Variants in DPYD observed in about 807,000 individuals in gnomAD.
DPYD encodes the protein dihydropyrimidine dehydrogenase [NADP(+)].
A neutral mutation model predicts 116.2 loss-of-function variants in DPYD; 109 were observed. That is an observed-to-expected ratio of 0.94 (90% CI 0.80 to 1.10). The LOEUF (loss-of-function observed/expected upper bound fraction) is 1.10. Among genes scored for constraint, DPYD ranks in the 50% least tolerant of loss-of-function variants. The probability of loss-of-function intolerance (pLI) is 0.00; values close to 1 mark genes in which losing one functional copy is unlikely to be tolerated. For missense variants in DPYD, 1,302 were observed against 1,254.5 expected, an observed-to-expected ratio of 1.04 and a Z score of -0.57; for synonymous variants, 440 against 432.0, an observed-to-expected ratio of 1.02 and a Z score of -0.23.
At chr1:97,827,499 A>G (rs564412826) in intron 3 of DPYD, among the ~76,000 whole-genome samples, 10 of 152,064 alleles carry the variant, frequency 6.6e-5, no homozygotes, top group Non-Finnish European at 1.5e-4. Context: ...AAAATGCTTC[A>G]CTAAAAGTTA....
intron 18 of DPYD, chr1:97,295,749 T>A: frequency 1.0e-6 from 1 of 984,120 alleles, no homozygotes; most frequent in Non-Finnish European, 1.2e-6. Context: ...TTCTTAAAAT[T>A]GCCAGTGCTA....
chr1:97,708,439 G>C (rs1662106358), intron 5 of DPYD, among the ~76,000 whole-genome samples: 1 of 151,946 alleles, frequency 6.6e-6, no homozygotes, highest in Non-Finnish European at 1.5e-5. Context: ...TTGCTCTTTT[G>C]TCAAAGATAA....
At chr1:97,603,380 A>T (rs1655386479) in intron 8 of DPYD, among the ~76,000 whole-genome samples, 1 of 152,140 alleles carries the variant, frequency 6.6e-6, no homozygotes, top group South Asian at 2.1e-4. Context: ...TAATCTCAAC[A>T]GCAGGAAATA....
intron 12 of DPYD, among the ~76,000 whole-genome samples, chr1:97,527,213 G>A (rs1014806660): frequency 1.3e-5 from 2 of 151,902 alleles, no homozygotes; most frequent in Non-Finnish European, 2.9e-5. Context: ...CGAGTAGCTG[G>A]GACCACAGGC....
chr1:97,257,452 T>TATATATATAGAGAGAGAGAGAGAG (rs375490078), intron 18 of DPYD, among the ~76,000 whole-genome samples: 17 of 126,468 alleles, frequency 1.3e-4, no homozygotes, highest in South Asian at 5.4e-4. Flanking sequence ...TATATATATA[T>TATATATATAGAGAGAGAGAGAGAG]AGAGAGAGAG....
At chr1:97,217,365 T>C (rs553880532) in intron 19 of DPYD, among the ~76,000 whole-genome samples, 1 of 152,354 alleles carries the variant, frequency 6.6e-6, no homozygotes, top group Admixed American at 6.5e-5. Flanking sequence ...AACTGTGGTC[T>C]AGAAATCACC....
In DPYD at chr1:97,266,932, A is replaced by G. The variant is rs539003907; in HGVS notation, c.2300-31938T>C. ...ATTTTCTTAATCCAGTCTATCATTG[A>G]TAGACATTTGGGTTGGTTCCAAGTC... On this transcript the variant is annotated intron_variant, in intron 18 of 22. Coordinates refer to ENST00000370192, the MANE Select transcript of DPYD (RefSeq NM_000110.4). 2.6e-5 allele frequency among the ~76,000 whole-genome samples: 4 copies of G among 152,274 alleles called. No homozygotes were observed. In the South Asian group the frequency reaches 8.3e-4, roughly 32 times the overall value.
intron 4 of DPYD, among the ~76,000 whole-genome samples, chr1:97,728,729 T>G (rs1663408292): frequency 6.6e-6 from 1 of 152,052 alleles, no homozygotes; most frequent in African/African-American, 2.4e-5. Flanking sequence ...TATTTCTGGC[T>G]CAAGCTGTAA....
At chr1:97,285,469 A>G (rs564676177) in intron 18 of DPYD, among the ~76,000 whole-genome samples, 32 of 152,326 alleles carry the variant, frequency 2.1e-4, no homozygotes, top group African/African-American at 7.7e-4. Flanking sequence ...TTATTACAGT[A>G]TCCTTATAAT....
At chr1:97,410,556 T>C (rs1290343261) in intron 14 of DPYD, among the ~76,000 whole-genome samples, 3 of 152,136 alleles carry the variant, frequency 2.0e-5, no homozygotes, top group Non-Finnish European at 4.4e-5. Context: ...AATACTTTGG[T>C]TTTAAACATC....
At chr1:97,352,553 C>A (rs1670200746) in intron 16 of DPYD, among the ~76,000 whole-genome samples, 1 of 145,536 alleles carries the variant, frequency 6.9e-6, no homozygotes, top group South Asian at 2.1e-4. Context: ...TATTGAACAA[C>A]CTGAAATAGT....
Position 97,483,248 on chromosome 1 carries a change from A to G in DPYD, c.1740+32478T>C, listed in dbSNP as rs1032627185. 2.0e-5 allele frequency among the ~76,000 whole-genome samples: 3 copies of G among 152,168 alleles called. No individual in the cohort carries two copies. In the South Asian group the frequency reaches 6.2e-4, roughly 32 times the overall value. ...CTCAAATTTCCTTTGCAGTCCTATC[A>G]GAATTTCTTTTTGGTGCAGTCCAGT... is the stretch of plus-strand genomic sequence containing the variant. On this transcript the variant is annotated intron_variant, in intron 13 of 22. Coordinates refer to ENST00000370192, the MANE Select transcript of DPYD (RefSeq NM_000110.4).
chr1:97,900,706 G>C (rs1485709378), intron 1 of DPYD, among the ~76,000 whole-genome samples: 2 of 151,684 alleles, frequency 1.3e-5, no homozygotes, highest in African/African-American at 4.8e-5. Flanking sequence ...TTACAATATA[G>C]CATAATGATG....
At chr1:97,818,965 A>G (rs1463530674) in intron 3 of DPYD, among the ~76,000 whole-genome samples, 3 of 151,928 alleles carry the variant, frequency 2.0e-5, no homozygotes, top group South Asian at 4.1e-4. Context: ...ATTACATAAG[A>G]CTAATTACAT....
At chr1:97,175,237 G>A (rs1254263343) in intron 20 of DPYD, among the ~76,000 whole-genome samples, 3 of 149,510 alleles carry the variant, frequency 2.0e-5, no homozygotes, top group Non-Finnish European at 2.9e-5. Context: ...ATTCTAGGGG[G>A]TGTGAAGTAA....
At chr1:97,402,540 G>A (rs570645193) in intron 14 of DPYD, among the ~76,000 whole-genome samples, 1 of 152,008 alleles carries the variant, frequency 6.6e-6, no homozygotes, top group East Asian at 1.9e-4. Context: ...GATTTTCTAT[G>A]TACACAATAA....
chr1:97,636,429 C>G (rs140440780), intron 8 of DPYD, among the ~76,000 whole-genome samples: 62 of 152,130 alleles, frequency 4.1e-4, no homozygotes, highest in African/African-American at 1.4e-3. Flanking sequence ...GGGCAAGTCA[C>G]CCGACCTTTC....
chr1:97,288,826 T>C (rs1214715755), intron 18 of DPYD, among the ~76,000 whole-genome samples: 1 of 151,212 alleles, frequency 6.6e-6, no homozygotes, highest in African/African-American at 2.4e-5. Context: ...AGGCAAGAAA[T>C]AACTAAAATC....
intron 21 of DPYD, among the ~76,000 whole-genome samples, chr1:97,085,496 C>T (rs367572138): frequency 6.8e-4 from 103 of 152,260 alleles, no homozygotes; most frequent in African/African-American, 2.3e-3. Context: ...TTATTAAGTA[C>T]AATTTTTTAA....
Sources: gnomAD v4.1 joint callset for allele counts (sites outside exome capture counted in the v4.1 genomes callset) on GRCh38, gnomAD v4.1.1 for gene constraint, MANE v1.5 for transcripts, NCBI Gene and HGNC (gene_info 2026-07-23, HGNC 2026-07-21) for gene names.